Variants in AOPEP observed in about 807,000 individuals in gnomAD.
The protein encoded by AOPEP is aminopeptidase O.
A neutral mutation model predicts 98.1 loss-of-function variants in AOPEP; 77 were observed. The ratio of observed to expected loss-of-function variants is 0.78; its 90% CI spans 0.65 to 0.95. The LOEUF (loss-of-function observed/expected upper bound fraction) is 0.95. Ranked by LOEUF, AOPEP falls within the 40% of genes least tolerant of loss-of-function variation. The pLI is 0.00. For synonymous variants in AOPEP, 346 were observed against 365.3 expected, an observed-to-expected ratio of 0.95 and a Z score of 0.60; for missense variants, 1,024 against 1,024.7, an observed-to-expected ratio of 1.00 and a Z score of 0.01.
chr9:94,927,276 A>G (rs2054498540), intron 6 of AOPEP, among the ~76,000 whole-genome samples: 1 of 152,216 alleles, frequency 6.6e-6, no homozygotes, highest in Admixed American at 6.5e-5. Context: ...GACCTCCTTG[A>G]AAGCCTTATC....
At chr9:94,816,279 T>C (rs1394387456) in intron 5 of AOPEP, among the ~76,000 whole-genome samples, 4 of 152,196 alleles carry the variant, frequency 2.6e-5, no homozygotes, top group African/African-American at 9.7e-5. Context: ...TAATAAGTTG[T>C]CAGCATAAGC....
chr9:95,053,707 TTTGTTGTTGTTG>T (rs60251468), intron 13 of AOPEP, among the ~76,000 whole-genome samples: 7 of 150,710 alleles, frequency 4.6e-5, no homozygotes, highest in African/African-American at 1.7e-4. Context: ...TTAATTCATT[TTTGTTGTTGTTG>T]TTGTTGTTGT....
At chr9:94,932,823 A>C (rs1420474416) in intron 7 of AOPEP, 1 of 985,182 alleles carries the variant, frequency 1.0e-6, no homozygotes, top group East Asian at 1.1e-4. Context: ...TTTCCTTTGT[A>C]TCCGATGTGT....
intron 9 of AOPEP, 24 bp from the exon 10 acceptor site, chr9:94,967,734 A>G: frequency 6.2e-7 from 1 of 1,606,340 alleles, no homozygotes; most frequent in South Asian, 1.1e-5. Flanking sequence ...GACATCTTTA[A>G]TGATTTGCTT....
At chr9:94,912,086 A>G (rs1364199639) in intron 5 of AOPEP, among the ~76,000 whole-genome samples, 2 of 152,092 alleles carry the variant, frequency 1.3e-5, no homozygotes, top group African/African-American at 4.8e-5. Context: ...GAGCTGTAAA[A>G]TAATAAATTT....
the AOPEP span, chr9:95,099,303 A>G: frequency 2.7e-5 from 6 of 224,078 alleles, no homozygotes; most frequent in South Asian, 5.6e-4. Flanking sequence ...CAGATTCCAG[A>G]CCCTGTCGCA....
chr9:94,946,878 AT>A (rs2137692861), intron 7 of AOPEP, among the ~76,000 whole-genome samples: 1 of 151,796 alleles, frequency 6.6e-6, no homozygotes, highest in Admixed American at 6.6e-5. Context: ...TGGAACTGTT[AT>A]TGCACCCCTG....
At chr9:94,876,567 G>C (rs984314378) in intron 5 of AOPEP, among the ~76,000 whole-genome samples, 1 of 152,016 alleles carries the variant, frequency 6.6e-6, no homozygotes, top group African/African-American at 2.4e-5. Flanking sequence ...AGGTTTCACC[G>C]TGTTAGCCAG....
chr9:94,912,504 G>A (rs1294484056), intron 5 of AOPEP, among the ~76,000 whole-genome samples: 1 of 152,150 alleles, frequency 6.6e-6, no homozygotes, highest in African/African-American at 2.4e-5. Context: ...TCTAAAAGAT[G>A]ACCTAAGTGA....
At chr9:94,962,885 AG>A (rs1329240197) in intron 9 of AOPEP, among the ~76,000 whole-genome samples, 1 of 152,046 alleles carries the variant, frequency 6.6e-6, no homozygotes, top group Non-Finnish European at 1.5e-5. Context: ...CTGGGACTAC[AG>A]GCACCCGCCA....
the AOPEP span, among the ~76,000 whole-genome samples, chr9:95,102,657 G>A: frequency 6.6e-6 from 1 of 152,190 alleles, no homozygotes; most frequent in African/African-American, 2.4e-5. Context: ...GGCCGTTCTG[G>A]GAGGGTGAAC....
chr9:94,781,584 A>G (rs1843256046), intron 3 of AOPEP, among the ~76,000 whole-genome samples: 1 of 149,980 alleles, frequency 6.7e-6, no homozygotes, highest in Non-Finnish European at 1.5e-5. Context: ...TTTTTGAGAC[A>G]GAGTCTCATT....
intron 3 of AOPEP, among the ~76,000 whole-genome samples, chr9:94,774,563 TA>T (rs1841663627): frequency 6.6e-6 from 1 of 152,148 alleles, no homozygotes. Context: ...TACAGGTCGT[TA>T]AATATTTTTA....
intron 11 of AOPEP, among the ~76,000 whole-genome samples, chr9:94,997,775 C>G (rs1376014979): frequency 6.6e-6 from 1 of 152,202 alleles, no homozygotes; most frequent in Non-Finnish European, 1.5e-5. Context: ...CTCACTGGAG[C>G]CTCAAACTCC....
At chr9:95,098,869 C>G in the AOPEP span, among the ~76,000 whole-genome samples, 1 of 152,202 alleles carries the variant, frequency 6.6e-6, no homozygotes, top group South Asian at 2.1e-4. Flanking sequence ...CCTGCTTCCT[C>G]CTTGGTGACA....
intron 2 of AOPEP, among the ~76,000 whole-genome samples, chr9:94,761,117 C>A (rs560814347): frequency 6.6e-5 from 10 of 152,284 alleles, no homozygotes; most frequent in East Asian, 1.9e-4. Context: ...GTGACCCCCC[C>A]CAAAGCATAC....
intron 3 of AOPEP, among the ~76,000 whole-genome samples, chr9:94,782,825 A>T (rs527547225): frequency 6.6e-6 from 1 of 152,154 alleles, no homozygotes; most frequent in Non-Finnish European, 1.5e-5. Flanking sequence ...AATCTGTGTC[A>T]GTTAATTCTT....
intron 7 of AOPEP, among the ~76,000 whole-genome samples, chr9:94,933,980 C>T (rs1282135920): frequency 2.6e-5 from 4 of 152,134 alleles, no homozygotes; most frequent in Admixed American, 2.6e-4. Context: ...GATCTCCTGA[C>T]CTTGTGATCC....
At chr9:94,794,417 A>G (rs1174043780) in intron 4 of AOPEP, among the ~76,000 whole-genome samples, 1 of 152,208 alleles carries the variant, frequency 6.6e-6, no homozygotes, top group Non-Finnish European at 1.5e-5. Flanking sequence ...CAGCTAAGGT[A>G]TACTCCTAAT....
Sources: allele counts gnomAD v4.1 joint callset (sites outside exome capture counted in the v4.1 genomes callset), GRCh38; gene constraint gnomAD v4.1.1; transcripts MANE v1.5; gene names NCBI Gene and HGNC (gene_info 2026-07-23, HGNC 2026-07-21).